The following CTNND2 variants were observed in gnomAD, a reference collection of about 807,000 sequenced individuals.
CTNND2 encodes catenin delta 2.
Under a neutral mutation model 144.4 loss-of-function variants are expected in CTNND2, and 22 were observed. That is an observed-to-expected ratio of 0.15 (90% CI 0.11 to 0.22). The LOEUF is 0.22. Ranked by LOEUF, CTNND2 falls within the 10% of genes least tolerant of loss-of-function variation. The probability of loss-of-function intolerance (pLI) is 1.00; values close to 1 mark genes in which losing one functional copy is unlikely to be tolerated. For synonymous variants in CTNND2, 751 were observed against 695.6 expected (o/e 1.08, Z -1.25); for missense variants, 1,353 against 1,618.8 (o/e 0.84, Z 2.82).
At chr5:11,589,577 A>C (rs952897070) in intron 2 of CTNND2, among the ~76,000 whole-genome samples, 1 of 152,198 alleles carries the variant, frequency 6.6e-6, no homozygotes, top group Non-Finnish European at 1.5e-5. Flanking sequence ...CACAGGAAAG[A>C]CAGCTTGCTA....
At chr5:11,185,978 G>A (rs1347360174) in intron 11 of CTNND2, among the ~76,000 whole-genome samples, 1 of 152,206 alleles carries the variant, frequency 6.6e-6, no homozygotes, top group Admixed American at 6.5e-5. Flanking sequence ...CCACAAATCA[G>A]TTATGCATTG....
chr5:11,771,209 T>TTTTTTTGA (rs1789914289), intron 1 of CTNND2, among the ~76,000 whole-genome samples: 2 of 144,916 alleles, frequency 1.4e-5, no homozygotes, highest in African/African-American at 5.1e-5. Flanking sequence ...TTTTTTTTTT[T>TTTTTTTGA]GGGATGGAGT....
chr5:11,179,612 T>A (rs1297430436), intron 11 of CTNND2, among the ~76,000 whole-genome samples: 2 of 152,154 alleles, frequency 1.3e-5, no homozygotes, highest in African/African-American at 4.8e-5. Context: ...ATATATTTGT[T>A]ATAAGAGATA....
intron 3 of CTNND2, among the ~76,000 whole-genome samples, chr5:11,532,387 GAAT>G (rs1389714069): frequency 6.9e-6 from 1 of 145,440 alleles, no homozygotes; most frequent in East Asian, 2.1e-4. Context: ...CAGGGAACCT[GAAT>G]AATGTTTATT....
intron 2 of CTNND2, among the ~76,000 whole-genome samples, chr5:11,693,467 T>TG (rs1581730941): frequency 2.0e-5 from 3 of 152,370 alleles, no homozygotes; most frequent in East Asian, 3.9e-4. Flanking sequence ...TTTTTGTTTT[T>TG]ATTTTGTTTT....
rs1741651233 is a variant in CTNND2 at position 11,016,809 on chromosome 5, T to C, written c.3084+1165A>G. On this transcript the variant is annotated intron_variant, in intron 18 of 21. Transcript: ENST00000304623. ...TTTTTGAGATGGAGTCTCGCTCTGT[T>C]GCCCAGGCTACAGTCCAGTAGTGCG... Among the ~76,000 whole-genome samples, 4 of 152,096 alleles carry C rather than the reference T, an allele frequency of 2.6e-5. No homozygotes were observed. In the South Asian group the frequency reaches 6.2e-4, roughly 24 times the overall value.
intron 3 of CTNND2, among the ~76,000 whole-genome samples, chr5:11,485,349 G>GTGTA (rs769344278): frequency 1.6e-5 from 2 of 121,850 alleles, no homozygotes; most frequent in African/African-American, 5.5e-5. Flanking sequence ...CAGAGACTGT[G>GTGTA]TGTGTGTGTG....
intron 9 of CTNND2, among the ~76,000 whole-genome samples, chr5:11,308,088 G>T (rs543503280): frequency 2.6e-5 from 4 of 152,314 alleles, no homozygotes; most frequent in Non-Finnish European, 4.4e-5. Flanking sequence ...CCAGCCTCCA[G>T]AACTGTGAAA....
intron 7 of CTNND2, among the ~76,000 whole-genome samples, chr5:11,365,795 C>T (rs534074658): frequency 1.3e-5 from 2 of 152,256 alleles, no homozygotes; most frequent in East Asian, 1.9e-4. Flanking sequence ...TTTTATCTGA[C>T]GTACAGTCAG....
chr5:11,271,048 T>C (rs1460885180), intron 9 of CTNND2, among the ~76,000 whole-genome samples: 1 of 152,174 alleles, frequency 6.6e-6, no homozygotes, highest in Admixed American at 6.5e-5. Flanking sequence ...AGCCACAATA[T>C]AAAATAATTA....
intron 3 of CTNND2, among the ~76,000 whole-genome samples, chr5:11,473,208 A>G (rs1767389540): frequency 6.6e-6 from 1 of 152,216 alleles, no homozygotes; most frequent in Non-Finnish European, 1.5e-5. Context: ...AGACTTAAGG[A>G]GAATGGATGA....
At position 11,082,879 on chromosome 5, in the gene CTNND2, A is replaced by G. The variant is rs766471293; in HGVS notation, c.2638-33T>C. The G allele has an allele frequency of 1.4e-4, 226 of 1,606,150 alleles. 3 individuals carry two copies. The South Asian group carries it at 2.4e-3, about 17-fold the overall frequency. ...AACAGGGAAGGCGAAGGGCGTTAGA[A>G]ACAGGAAGAAACCCTGCATGCAAAT... On this transcript the variant is annotated intron_variant, in intron 15 of 21. Transcript: ENST00000304623.
At chr5:11,357,418 T>C (rs751333418) in intron 8 of CTNND2, among the ~76,000 whole-genome samples, 5 of 151,990 alleles carry the variant, frequency 3.3e-5, no homozygotes, top group African/African-American at 4.8e-5. Flanking sequence ...CTAAGTAAAC[T>C]AATCCAGGCA....
chr5:11,686,612 T>C (rs979203099), intron 2 of CTNND2, among the ~76,000 whole-genome samples: 7 of 152,048 alleles, frequency 4.6e-5, no homozygotes, highest in Non-Finnish European at 1.0e-4. Context: ...CATCAAAGTA[T>C]AGGTCTTGCT....
chr5:11,842,877 T>C (rs73743288), intron 1 of CTNND2, among the ~76,000 whole-genome samples: 1,711 of 152,342 alleles, frequency 0.011, 20 homozygotes, highest in East Asian at 0.063. Context: ...AATTTAAACT[T>C]GCTTATGTGG....
chr5:11,790,313 G>A (rs1431806196), intron 1 of CTNND2, among the ~76,000 whole-genome samples: 1 of 152,154 alleles, frequency 6.6e-6, no homozygotes, highest in Non-Finnish European at 1.5e-5. Context: ...CTTAGTGCCT[G>A]CCATATGCTT....
At chr5:11,161,933 C>T (rs1296075905) in intron 11 of CTNND2, among the ~76,000 whole-genome samples, 4 of 152,048 alleles carry the variant, frequency 2.6e-5, no homozygotes, top group African/African-American at 7.2e-5. Flanking sequence ...AGGTGGATCA[C>T]GAGGTCAGGA....
rs1446473946 is a variant in CTNND2, at chr5:11,453,960, C to CAGA, written c.288-41892_288-41891insTCT. On this transcript the variant is annotated intron_variant, in intron 3 of 21. Coordinates refer to ENST00000304623, the MANE Select transcript of CTNND2 (RefSeq NM_001332.4). ...TCTCTTATGGAGTGTTACAGAAATA[C>CAGA]AAATTTATTCTATCAACATTAACAC... Among the ~76,000 whole-genome samples the CAGA allele has an allele frequency of 2.7e-4, 41 of 152,234 alleles. 1 individual carries two copies. Among genetic ancestry groups the CAGA allele is most frequent in the Admixed American group, 8.5e-4 (13 of 15,286 alleles).
chr5:11,576,646 T>A (rs539076774), intron 2 of CTNND2, among the ~76,000 whole-genome samples: 4 of 152,280 alleles, frequency 2.6e-5, no homozygotes, highest in Admixed American at 6.5e-5. Context: ...TTAAAAAAAA[T>A]AAACTCAGTC....
Sources: gnomAD v4.1 joint callset for allele counts (sites outside exome capture counted in the v4.1 genomes callset) on GRCh38, gnomAD v4.1.1 for gene constraint, MANE v1.5 for transcripts, NCBI Gene and HGNC (gene_info 2026-07-23, HGNC 2026-07-21) for gene names.